Variants in CDH13 observed in about 807,000 individuals in gnomAD.
The protein encoded by CDH13 is cadherin 13.
CDH13 carries 24 observed loss-of-function variants against 63.8 expected under a neutral mutation model. The observed-to-expected ratio is 0.38, with a 90% confidence interval of 0.27 to 0.53. CDH13 has a LOEUF of 0.53. Among genes scored for constraint, CDH13 ranks in the 20% least tolerant of loss-of-function variants. CDH13 has a pLI of 0.85. For synonymous variants in CDH13, 503 were observed against 355.3 expected, an observed-to-expected ratio of 1.42 and a Z score of -4.67; for missense variants, 1,049 against 903.1, an observed-to-expected ratio of 1.16 and a Z score of -2.07.
chr16:83,599,032 A>C (rs1907531952), intron 7 of CDH13, among the ~76,000 whole-genome samples: 1 of 152,220 alleles, frequency 6.6e-6, no homozygotes, highest in Non-Finnish European at 1.5e-5. Flanking sequence ...GACCATCCCT[A>C]GATCAGGAGT....
At chr16:83,335,393 A>C (rs1264568507) in intron 5 of CDH13, among the ~76,000 whole-genome samples, 1 of 150,754 alleles carries the variant, frequency 6.6e-6, no homozygotes, top group Non-Finnish European at 1.5e-5. Flanking sequence ...GTGTGAGTCA[A>C]ACACACACAC....
intron 8 of CDH13, among the ~76,000 whole-genome samples, chr16:83,610,512 C>G (rs751129888): frequency 6.6e-6 from 1 of 152,168 alleles, no homozygotes; most frequent in Non-Finnish European, 1.5e-5. Flanking sequence ...GTCCCACCAC[C>G]TGCTCGGTAA....
intron 5 of CDH13, among the ~76,000 whole-genome samples, chr16:83,298,378 T>C (rs558509712): frequency 6.6e-6 from 1 of 152,310 alleles, no homozygotes; most frequent in East Asian, 1.9e-4. Context: ...ATAATAACTT[T>C]TGAAAGCAGT....
chr16:83,602,706 C>T (rs1240258126), intron 8 of CDH13, 112 bp downstream of exon 8: 37 of 1,080,176 alleles, frequency 3.4e-5, no homozygotes, highest in Non-Finnish European at 5.1e-5. Flanking sequence ...AATCAAAATA[C>T]TCCTTTGTGG....
At chr16:82,657,248 C>T (rs577973646) in intron 1 of CDH13, among the ~76,000 whole-genome samples, 2 of 152,264 alleles carry the variant, frequency 1.3e-5, no homozygotes, top group South Asian at 4.1e-4. Context: ...ACAACAATTG[C>T]TCCATAAAAT....
At chr16:83,627,149 G>A (rs1257951868) in intron 8 of CDH13, among the ~76,000 whole-genome samples, 3 of 149,928 alleles carry the variant, frequency 2.0e-5, no homozygotes, top group Non-Finnish European at 3.0e-5. Flanking sequence ...AATGAGCTGA[G>A]TGTGGCAGCC....
At chr16:82,828,252 G>A (rs890528085) in intron 1 of CDH13, among the ~76,000 whole-genome samples, 7 of 152,254 alleles carry the variant, frequency 4.6e-5, no homozygotes, top group South Asian at 2.1e-4. Flanking sequence ...GACTCTTTAC[G>A]TCTGTTTCAC....
intron 4 of CDH13, among the ~76,000 whole-genome samples, chr16:83,146,193 C>CAAAAAAAAAAAA (rs749952847): frequency 1.0e-5 from 1 of 97,610 alleles, no homozygotes; most frequent in Non-Finnish European, 2.1e-5. Flanking sequence ...GACTCTGTCT[C>CAAAAAAAAAAAA]AAAAAAAAAA....
chr16:82,826,183 A>G (rs2038243919), intron 1 of CDH13: 2 of 152,188 alleles, frequency 1.3e-5, no homozygotes, highest in Non-Finnish European at 2.9e-5. Flanking sequence ...TGCATTGTCT[A>G]CTAACAGGAG....
At chr16:83,592,048 A>T (rs1312986491) in intron 7 of CDH13, among the ~76,000 whole-genome samples, 6 of 152,100 alleles carry the variant, frequency 3.9e-5, no homozygotes, top group Non-Finnish European at 7.4e-5. Context: ...ATAATGTCTA[A>T]GTCAACTGTC....
chr16:83,650,664 C>G (rs1000402433), intron 8 of CDH13, among the ~76,000 whole-genome samples: 2 of 152,186 alleles, frequency 1.3e-5, no homozygotes, highest in African/African-American at 4.8e-5. Flanking sequence ...CTCAGCATCT[C>G]CCAATGCACA....
chr16:82,675,377 C>G (rs1157169877), intron 1 of CDH13, among the ~76,000 whole-genome samples: 1 of 152,072 alleles, frequency 6.6e-6, no homozygotes, highest in Non-Finnish European at 1.5e-5. Flanking sequence ...ATGCTTAAGT[C>G]TATAAATGGA....
chr16:83,321,497 T>A (rs1282404636), intron 5 of CDH13, among the ~76,000 whole-genome samples: 1 of 152,048 alleles, frequency 6.6e-6, no homozygotes, highest in African/African-American at 2.4e-5. Context: ...CTCCTCATTT[T>A]TTTTTCTGGA....
intron 1 of CDH13, among the ~76,000 whole-genome samples, chr16:82,838,726 G>T (rs935447058): frequency 6.6e-6 from 1 of 151,990 alleles, no homozygotes; most frequent in African/African-American, 2.4e-5. Flanking sequence ...ACCTTTTTTG[G>T]CCTAGGTTGT....
chr16:83,238,511 C>T (rs1053352755), intron 5 of CDH13, among the ~76,000 whole-genome samples: 2 of 152,164 alleles, frequency 1.3e-5, no homozygotes, highest in African/African-American at 2.4e-5. Context: ...TGGGTCAGGA[C>T]ACAGCCAAAC....
At chr16:82,759,216 T>C (rs2034736365) in intron 1 of CDH13, among the ~76,000 whole-genome samples, 1 of 152,178 alleles carries the variant, frequency 6.6e-6, no homozygotes, top group Non-Finnish European at 1.5e-5. Flanking sequence ...AGCAGAAACC[T>C]GATTTTTAAT....
intron 6 of CDH13, among the ~76,000 whole-genome samples, chr16:83,484,973 G>A (rs750783645): frequency 1.3e-5 from 2 of 152,188 alleles, no homozygotes; most frequent in Non-Finnish European, 2.9e-5. Context: ...AAGGCAAGGG[G>A]GCTGCATGGG....
intron 2 of CDH13, among the ~76,000 whole-genome samples, chr16:82,980,119 A>G (rs558519858): frequency 4.6e-5 from 7 of 152,294 alleles, no homozygotes; most frequent in African/African-American, 1.7e-4. Flanking sequence ...TGAAGGGTTA[A>G]GAGGAGAGGA....
chr16:83,438,518 C>A (rs1258055443), intron 6 of CDH13, among the ~76,000 whole-genome samples: 1 of 152,220 alleles, frequency 6.6e-6, no homozygotes, highest in Non-Finnish European at 1.5e-5. Flanking sequence ...TATTCATTGA[C>A]CAACTCCCTG....
Sources: allele counts gnomAD v4.1 joint callset (sites outside exome capture counted in the v4.1 genomes callset), GRCh38; gene constraint gnomAD v4.1.1; transcripts MANE v1.5; gene names NCBI Gene and HGNC (gene_info 2026-07-23, HGNC 2026-07-21).